Variants in LMNTD1 observed in about 807,000 individuals in gnomAD.
LMNTD1 encodes lamin tail domain containing 1.
In LMNTD1, 35 loss-of-function variants were observed where a neutral mutation model predicts 50.9. The ratio of observed to expected loss-of-function variants is 0.69; its 90% CI spans 0.53 to 0.91. The LOEUF (loss-of-function observed/expected upper bound fraction) is 0.91. Ranked by LOEUF, LMNTD1 falls within the 40% of genes least tolerant of loss-of-function variation. The pLI is 0.00. For synonymous variants in LMNTD1, 153 were observed against 161.9 expected, an observed-to-expected ratio of 0.94 and a Z score of 0.42; for missense variants, 470 against 475.5, an observed-to-expected ratio of 0.99 and a Z score of 0.11.
intron 1 of LMNTD1, among the ~76,000 whole-genome samples, chr12:25,587,104 C>G (rs1445445554): frequency 2.0e-5 from 3 of 152,194 alleles, no homozygotes; most frequent in Non-Finnish European, 4.4e-5. Flanking sequence ...GCTCCTTCTT[C>G]TGTGATGTCA....
chr12:25,568,111 G>A (rs1419153433), intron 1 of LMNTD1, among the ~76,000 whole-genome samples: 1 of 152,182 alleles, frequency 6.6e-6, no homozygotes, highest in Non-Finnish European at 1.5e-5. Context: ...TCCAGTCTGA[G>A]AAGGTCTCAG....
chr12:25,622,463 G>GGCCCCCC (rs1946491734), intron 1 of LMNTD1, among the ~76,000 whole-genome samples: 1 of 111,154 alleles, frequency 9.0e-6, no homozygotes, highest in Non-Finnish European at 2.0e-5. Context: ...GAGTTTGTGA[G>GGCCCCCC]CCCGCCCCCC....
intron 3 of LMNTD1, among the ~76,000 whole-genome samples, chr12:25,548,685 AACC>A (rs1205035187): frequency 6.6e-6 from 1 of 151,946 alleles, no homozygotes; most frequent in Non-Finnish European, 1.5e-5. Flanking sequence ...GTTTTCAGTA[AACC>A]ACGGAAACAC....
At chr12:25,547,662 T>C (rs1180792775) in intron 3 of LMNTD1, among the ~76,000 whole-genome samples, 1 of 151,800 alleles carries the variant, frequency 6.6e-6, no homozygotes, top group Non-Finnish European at 1.5e-5. Context: ...GGAATTACAT[T>C]AGTTCATTCT....
At chr12:25,583,767 G>C (rs1945406889) in intron 1 of LMNTD1, among the ~76,000 whole-genome samples, 1 of 152,174 alleles carries the variant, frequency 6.6e-6, no homozygotes, top group Non-Finnish European at 1.5e-5. Flanking sequence ...ACAGTGATAA[G>C]AAATGAGTGA....
chr12:25,528,589 T>C (rs1941980361), intron 4 of LMNTD1, among the ~76,000 whole-genome samples: 1 of 152,196 alleles, frequency 6.6e-6, no homozygotes, highest in Middle Eastern at 3.2e-3. Flanking sequence ...CTATTCTCAC[T>C]CTTGACAAAT....
At chr12:25,491,672 C>T (rs1350332357) in intron 9 of LMNTD1, among the ~76,000 whole-genome samples, 2 of 152,198 alleles carry the variant, frequency 1.3e-5, no homozygotes, top group Admixed American at 1.3e-4. Flanking sequence ...TGGTGCCAGC[C>T]TGATGGTGAT....
At chr12:25,479,204 C>T (rs182189491) in intron 9 of LMNTD1, among the ~76,000 whole-genome samples, 86 of 152,262 alleles carry the variant, frequency 5.6e-4, no homozygotes, top group African/African-American at 1.9e-3. Context: ...TTAATGGAAT[C>T]GCTGTTGTGT....
chr12:25,508,374 C>T (rs1939984189), intron 8 of LMNTD1, among the ~76,000 whole-genome samples: 1 of 152,108 alleles, frequency 6.6e-6, no homozygotes, highest in Non-Finnish European at 1.5e-5. Context: ...ACGCAAAAAT[C>T]ATTCAATACA....
chr12:25,530,606 G>A (rs1387337812), intron 4 of LMNTD1, among the ~76,000 whole-genome samples: 2 of 152,162 alleles, frequency 1.3e-5, no homozygotes, highest in Non-Finnish European at 2.9e-5. Context: ...CGTTGATCTA[G>A]CTGTTCATCC....
intron 1 of LMNTD1, among the ~76,000 whole-genome samples, chr12:25,640,271 A>G (rs1946926068): frequency 6.6e-6 from 1 of 152,140 alleles, no homozygotes; most frequent in Admixed American, 6.6e-5. Flanking sequence ...GCACTTTGGG[A>G]GGCCAAGGCG....
intron 7 of LMNTD1, among the ~76,000 whole-genome samples, chr12:25,519,366 C>T (rs279005): frequency 0.73 from 109,684 of 149,312 alleles, 41,354 homozygotes; most frequent in East Asian, 0.87. Flanking sequence ...CCAAGGCGGG[C>T]GGATCACAAG....
intron 1 of LMNTD1, among the ~76,000 whole-genome samples, chr12:25,632,302 G>A (rs1363526634): frequency 2.0e-5 from 3 of 152,156 alleles, no homozygotes; most frequent in Non-Finnish European, 4.4e-5. Context: ...GAACACCTGG[G>A]AAAATTCATT....
intron 1 of LMNTD1, among the ~76,000 whole-genome samples, chr12:25,638,179 A>G (rs1405096294): frequency 6.6e-6 from 1 of 152,130 alleles, no homozygotes; most frequent in Non-Finnish European, 1.5e-5. Context: ...ATGAATAGAC[A>G]GGAACTTCCT....
At chr12:25,519,542 G>C (rs279008) in intron 7 of LMNTD1, among the ~76,000 whole-genome samples, 84,024 of 143,762 alleles carry the variant, frequency 0.58, 26,250 homozygotes, top group Non-Finnish European at 0.7. Context: ...GAGCCGAGAT[G>C]GCGCCACTGC....
chr12:25,615,190 T>G (rs1366832475), intron 1 of LMNTD1, among the ~76,000 whole-genome samples: 1 of 151,858 alleles, frequency 6.6e-6, no homozygotes, highest in Admixed American at 6.6e-5. Context: ...AGATGAGAGA[T>G]GGGGATGGGT....
At chr12:25,583,528 C>T (rs1037921712) in intron 1 of LMNTD1, among the ~76,000 whole-genome samples, 1 of 152,146 alleles carries the variant, frequency 6.6e-6, no homozygotes, top group East Asian at 1.9e-4. Flanking sequence ...TCCCCTTGCT[C>T]CTATTTGAGA....
chr12:25,611,972 G>A (rs1382853), intron 1 of LMNTD1, among the ~76,000 whole-genome samples: 89,208 of 151,978 alleles, frequency 0.59, 28,074 homozygotes, highest in Non-Finnish European at 0.72. Context: ...ACTTCTATCC[G>A]TTGGAGTATT....
At chr12:25,499,521 T>G (rs1006870091) in intron 9 of LMNTD1, among the ~76,000 whole-genome samples, 1 of 152,190 alleles carries the variant, frequency 6.6e-6, no homozygotes, top group Non-Finnish European at 1.5e-5. Flanking sequence ...CTATTATATT[T>G]CATTATCTGG....
Sources: gnomAD v4.1 joint callset for allele counts (sites outside exome capture counted in the v4.1 genomes callset) on GRCh38, gnomAD v4.1.1 for gene constraint, MANE v1.5 for transcripts, NCBI Gene and HGNC (gene_info 2026-07-23, HGNC 2026-07-21) for gene names.